The following PDXDC1 variants were observed in gnomAD, a reference collection of about 807,000 sequenced individuals.
PDXDC1 encodes the protein pyridoxal-dependent decarboxylase domain-containing protein 1.
Under a neutral mutation model 100.1 loss-of-function variants are expected in PDXDC1, and 42 were observed. That is an observed-to-expected ratio of 0.42 (90% CI 0.33 to 0.54). The LOEUF is 0.54. Among genes scored for constraint, PDXDC1 ranks in the 20% least tolerant of loss-of-function variants. PDXDC1 has a pLI of 0.10. For synonymous variants in PDXDC1, 260 were observed against 371.7 expected (o/e 0.70, Z 3.46); for missense variants, 636 against 979.2 (o/e 0.65, Z 4.68).
At chr16:15,061,752 G>T in intron 16 of PDXDC1, 1 of 1,611,654 alleles carries the variant, frequency 6.2e-7, no homozygotes, top group Non-Finnish European at 8.5e-7. Context: ...CGTCAGAGGG[G>T]ACTGGGTTGC....
At chr16:15,104,377 G>C in intron 16 of PDXDC1, 1 of 1,596,980 alleles carries the variant, frequency 6.3e-7, no homozygotes, top group Non-Finnish European at 8.5e-7. Flanking sequence ...TCCACTGAGG[G>C]TGGAAGGGGA....
intron 13 of PDXDC1, 73 bp from the exon 14 acceptor site, chr16:15,026,570 G>A (rs1268605563): frequency 8.6e-6 from 11 of 1,285,700 alleles, no homozygotes; most frequent in Non-Finnish European, 1.1e-5. Context: ...GCGAGTTTTT[G>A]AACTCAGCAT....
At chr16:14,990,880 A>G (rs1333195811) in intron 1 of PDXDC1, among the ~76,000 whole-genome samples, 2 of 152,260 alleles carry the variant, frequency 1.3e-5, no homozygotes, top group Non-Finnish European at 2.9e-5. Context: ...ACCTAGGACT[A>G]CAGGCATACG....
chr16:15,146,860 C>T, the PDXDC1 span, among the ~76,000 whole-genome samples: 2 of 152,088 alleles, frequency 1.3e-5, no homozygotes, highest in African/African-American at 2.4e-5. Context: ...CAGGTCACTG[C>T]TACACTGCCC....
intron 8 of PDXDC1, chr16:15,015,912 A>G (rs1451361308): frequency 8.5e-7 from 1 of 1,181,594 alleles, no homozygotes; most frequent in Non-Finnish European, 1.2e-6. Context: ...CAATGACACA[A>G]TTAGATACAT....
intron 1 of PDXDC1, among the ~76,000 whole-genome samples, chr16:14,993,377 G>T (rs1971286303): frequency 6.8e-6 from 1 of 146,788 alleles, no homozygotes; most frequent in African/African-American, 2.5e-5. Flanking sequence ...CCACCTATGA[G>T]TGAGAACACG....
chr16:15,094,228 C>G, intron 16 of PDXDC1: 1 of 1,587,190 alleles, frequency 6.3e-7, no homozygotes, highest in Non-Finnish European at 8.6e-7. Context: ...GCAGCGGTGC[C>G]GCCATTGGGC....
At chr16:15,050,101 G>C (rs529503982) in intron 16 of PDXDC1, among the ~76,000 whole-genome samples, 2 of 152,160 alleles carry the variant, frequency 1.3e-5, no homozygotes, top group Non-Finnish European at 2.9e-5. Context: ...AAATGGATAA[G>C]GCAAATTTAC....
chr16:15,135,942 C>G (rs553298836), intron 16 of PDXDC1: 3 of 1,577,308 alleles, frequency 1.9e-6, no homozygotes, highest in East Asian at 2.3e-5. Context: ...ACGTCCACGC[C>G]GGGCAGGGCC....
At chr16:15,033,189 G>C in intron 18 of PDXDC1, 89 bp from the exon 19 acceptor site, 2 of 1,430,978 alleles carry the variant, frequency 1.4e-6, no homozygotes, top group East Asian at 4.6e-5. Context: ...CCCTTTGTGT[G>C]TGGTCAGGAC....
rs1597722558 is a variant in PDXDC1 at position 15,036,449 on chromosome 16, G to C, written c.*174G>C. On this transcript the variant is annotated 3_prime_UTR_variant, in exon 23 of 23. Coordinates refer to ENST00000396410, the MANE Select transcript of PDXDC1 (RefSeq NM_015027.4). The stretch of plus-strand genomic sequence containing the variant: ...GGCTTTCTAGGAGGGGAGTCAGCTT[G>C]TCTAACTTCATGTACATGTAGAACC... 1 of 607,862 alleles carries C rather than the reference G, an allele frequency of 1.6e-6. No homozygotes were observed. The highest frequency in any genetic ancestry group is 2.8e-6 in the Non-Finnish European group (1 of 353,124). 37.7% of individuals were successfully genotyped at this position (607,862 alleles called of 1,614,324 possible). A position where few individuals can be genotyped will look rare whatever the true frequency, so the allele number is the denominator to read the frequency against.
chr16:14,985,276 A>T (rs1258480468), intron 1 of PDXDC1, among the ~76,000 whole-genome samples: 1 of 151,052 alleles, frequency 6.6e-6, no homozygotes, highest in African/African-American at 2.4e-5. Context: ...AGATATGATA[A>T]ACAACTTTTT....
chr16:14,991,127 G>C (rs1421571806), intron 1 of PDXDC1, among the ~76,000 whole-genome samples: 1 of 152,290 alleles, frequency 6.6e-6, no homozygotes, highest in Non-Finnish European at 1.5e-5. Context: ...TGGGGATTGT[G>C]AATCTGCATT....
At chr16:15,066,552 G>A (rs2044982545) in intron 16 of PDXDC1, among the ~76,000 whole-genome samples, 1 of 151,862 alleles carries the variant, frequency 6.6e-6, no homozygotes, top group Non-Finnish European at 1.5e-5. Context: ...AGAACTGCAT[G>A]AGCCTCGGAG....
chr16:15,127,570 G>A (rs777660954), intron 16 of PDXDC1: 66 of 1,320,052 alleles, frequency 5.0e-5, no homozygotes, highest in Admixed American at 4.1e-4. Context: ...GACGCTCAGC[G>A]GGCTCAGCCT....
At chr16:15,011,631 C>CTTTTTTTTTTTTTTTTTTTGTTTTTT (rs2041287168) in intron 8 of PDXDC1, among the ~76,000 whole-genome samples, 1 of 131,274 alleles carries the variant, frequency 7.6e-6, no homozygotes, top group Non-Finnish European at 1.6e-5. Flanking sequence ...ACATTTTTTT[C>CTTTTTTTTTTTTTTTTTTTGTTTTTT]TTTTTTTTTT....
chr16:15,074,516 G>C (rs1204708378), intron 16 of PDXDC1, among the ~76,000 whole-genome samples: 3 of 152,286 alleles, frequency 2.0e-5, no homozygotes, highest in African/African-American at 7.2e-5. Flanking sequence ...AAAGACAGAA[G>C]ACAAATATAA....
At chr16:15,117,824 C>T (rs934430636) in intron 16 of PDXDC1, among the ~76,000 whole-genome samples, 1 of 46,928 alleles carries the variant, frequency 2.1e-5, no homozygotes, top group Non-Finnish European at 4.2e-5. Context: ...TTTCTGTTTT[C>T]CACATATCTT....
At chr16:15,142,047 G>C (rs955905227), downstream of PDXDC1, among the ~76,000 whole-genome samples, 1 of 152,180 alleles carries the variant, frequency 6.6e-6, no homozygotes, top group Non-Finnish European at 1.5e-5. Context: ...ACACAGCTGT[G>C]AAACTGCCCC....
Sources: allele counts gnomAD v4.1 joint callset (sites outside exome capture counted in the v4.1 genomes callset), GRCh38; gene constraint gnomAD v4.1.1; transcripts MANE v1.5; gene names NCBI Gene and HGNC (gene_info 2026-07-23, HGNC 2026-07-21).